EML1: variants seen among roughly 807,000 people sequenced by gnomAD.
The protein encoded by EML1 is EMAP like 1.
In EML1, 27 loss-of-function variants were observed where a neutral mutation model predicts 110.4. The ratio of observed to expected loss-of-function variants is 0.24; its 90% CI spans 0.18 to 0.34. The LOEUF (loss-of-function observed/expected upper bound fraction) is 0.34. Among genes scored for constraint, EML1 ranks in the 10% least tolerant of loss-of-function variants. The pLI is 1.00. For synonymous variants in EML1, 344 were observed against 385.8 expected (o/e 0.89, Z 1.27); for missense variants, 741 against 1,030.9 (o/e 0.72, Z 3.85).
At chr14:99,762,006 G>A (rs374738873) in intron 1 of EML1, among the ~76,000 whole-genome samples, 6 of 152,012 alleles carry the variant, frequency 3.9e-5, no homozygotes, top group Admixed American at 6.6e-5. Context: ...TGGATCAGCC[G>A]GAAGGGTAAC....
At chr14:99,753,273 A>G (rs1052416373) in intron 1 of EML1, among the ~76,000 whole-genome samples, 1 of 144,628 alleles carries the variant, frequency 6.9e-6, no homozygotes, top group Admixed American at 7.0e-5. Context: ...CCCAGTGGCC[A>G]TGGTTGGCGC....
intron 3 of EML1, among the ~76,000 whole-genome samples, chr14:99,866,855 C>T (rs1471329772): frequency 1.3e-5 from 2 of 152,158 alleles, no homozygotes; most frequent in African/African-American, 4.8e-5. Context: ...ATGTCCTCGA[C>T]ATGCATCCAT....
chr14:99,901,698 A>G (rs1040600915), intron 9 of EML1, among the ~76,000 whole-genome samples: 4 of 152,174 alleles, frequency 2.6e-5, no homozygotes, highest in African/African-American at 9.6e-5. Context: ...TGTAGCAGTG[A>G]GGACAACCAG....
intron 1 of EML1, among the ~76,000 whole-genome samples, chr14:99,807,602 G>A (rs1314264635): frequency 6.6e-6 from 1 of 152,176 alleles, no homozygotes; most frequent in Admixed American, 6.5e-5. Flanking sequence ...GGTGGACAGA[G>A]CCGCCAGACA....
chr14:99,875,080 G>C, intron 3 of EML1: 1 of 1,195,636 alleles, frequency 8.4e-7, no homozygotes, highest in Non-Finnish European at 1.2e-6. Flanking sequence ...GTCTTGTCCA[G>C]TGCCTACCAT....
At chr14:99,861,399 G>A (rs775866862) in intron 2 of EML1, among the ~76,000 whole-genome samples, 17 of 152,158 alleles carry the variant, frequency 1.1e-4, no homozygotes, top group African/African-American at 3.4e-4. Flanking sequence ...TAAAAATTTG[G>A]CATAATACAC....
At chr14:99,785,673 A>AACAC (rs1323867581) in intron 1 of EML1, among the ~76,000 whole-genome samples, 2 of 152,200 alleles carry the variant, frequency 1.3e-5, no homozygotes, top group African/African-American at 2.4e-5. Flanking sequence ...CTAGCATGTA[A>AACAC]ACACTTGGAA....
At chr14:99,870,404 A>G (rs968331937) in intron 3 of EML1, among the ~76,000 whole-genome samples, 1 of 152,242 alleles carries the variant, frequency 6.6e-6, no homozygotes, top group Non-Finnish European at 1.5e-5. Flanking sequence ...AGCAAGTGCT[A>G]TTGTAGAAGC....
chr14:99,793,304 C>T (rs2057702992), upstream of EML1: 2 of 978,784 alleles, frequency 2.0e-6, no homozygotes, highest in Admixed American at 1.3e-4. Context: ...TGGGCTCGCG[C>T]GGCTGCGGCG....
chr14:99,738,242 G>A (rs186285733), intron 1 of EML1, among the ~76,000 whole-genome samples: 2,251 of 152,300 alleles, frequency 0.015, 30 homozygotes, highest in Non-Finnish European at 0.02. Flanking sequence ...ACTTAACGGC[G>A]GGGGAGAGCA....
intron 2 of EML1, among the ~76,000 whole-genome samples, chr14:99,863,009 G>A (rs1160367160): frequency 1.3e-5 from 2 of 152,172 alleles, no homozygotes; most frequent in African/African-American, 4.8e-5. Flanking sequence ...CCACACTGAT[G>A]TCTCTACTCT....
At chr14:99,881,813 A>G (rs989239508) in intron 4 of EML1, among the ~76,000 whole-genome samples, 2 of 151,956 alleles carry the variant, frequency 1.3e-5, no homozygotes, top group African/African-American at 4.8e-5. Flanking sequence ...ATTGGCCAGG[A>G]TGGTCTCGAT....
intron 1 of EML1, among the ~76,000 whole-genome samples, chr14:99,843,524 T>A (rs2058664366): frequency 6.6e-6 from 1 of 152,246 alleles, no homozygotes; most frequent in Non-Finnish European, 1.5e-5. Context: ...TCAACTCATT[T>A]AATATTATAA....
intron 1 of EML1, among the ~76,000 whole-genome samples, chr14:99,835,069 GC>G (rs1485793865): frequency 6.6e-6 from 1 of 151,698 alleles, no homozygotes; most frequent in Admixed American, 6.6e-5. Context: ...CAATCCACCT[GC>G]CTCAGCCTCC....
intron 19 of EML1, 39 bp from the exon 20 acceptor site, chr14:99,937,778 C>T (rs904589378): frequency 6.3e-7 from 1 of 1,587,490 alleles, no homozygotes. Context: ...AGGGGTGGGG[C>T]CTTGGCTTAG....
chr14:99,891,142 A>G, intron 4 of EML1, 57 bp from the exon 5 acceptor site: 1 of 1,611,060 alleles, frequency 6.2e-7, no homozygotes, highest in Middle Eastern at 1.7e-4. Flanking sequence ...GTCTGAAGTG[A>G]ATGAGATGAA....
chr14:99,812,381 A>C (rs1472620801), intron 1 of EML1, among the ~76,000 whole-genome samples: 1 of 151,828 alleles, frequency 6.6e-6, no homozygotes, highest in African/African-American at 2.4e-5. Flanking sequence ...CAGCCAAATG[A>C]ATATTTTCTA....
chr14:99,853,319 C>G (rs2058843534), intron 2 of EML1, among the ~76,000 whole-genome samples: 1 of 152,130 alleles, frequency 6.6e-6, no homozygotes, highest in South Asian at 2.1e-4. Context: ...GGGCTCTCTA[C>G]TTTCTGTGCA....
chr14:99,826,716 AAC>A (rs1381956434), intron 1 of EML1, among the ~76,000 whole-genome samples: 1 of 151,352 alleles, frequency 6.6e-6, no homozygotes, highest in Non-Finnish European at 1.5e-5. Flanking sequence ...GGGAAAAAAA[AAC>A]AAAAAAAAAC....
Sources: allele counts gnomAD v4.1 joint callset (sites outside exome capture counted in the v4.1 genomes callset), GRCh38; gene constraint gnomAD v4.1.1; transcripts MANE v1.5; gene names NCBI Gene and HGNC (gene_info 2026-07-23, HGNC 2026-07-21).